The following MDGA2 variants were observed in gnomAD, a reference collection of about 807,000 sequenced individuals.
MDGA2 encodes MAM domain-containing glycosylphosphatidylinositol anchor protein 2.
Under a neutral mutation model 117.8 loss-of-function variants are expected in MDGA2, and 40 were observed. The observed-to-expected ratio is 0.34, with a 90% confidence interval of 0.26 to 0.44. The LOEUF (loss-of-function observed/expected upper bound fraction) is 0.44. Among genes scored for constraint, MDGA2 ranks in the 20% least tolerant of loss-of-function variants. The pLI is 1.00. For synonymous variants in MDGA2, 452 were observed against 439.0 expected (o/e 1.03, Z -0.37); for missense variants, 1,123 against 1,250.6 (o/e 0.90, Z 1.54).
intron 11 of MDGA2, among the ~76,000 whole-genome samples, chr14:46,879,877 T>C (rs1882376772): frequency 6.6e-6 from 1 of 152,184 alleles, no homozygotes; most frequent in Admixed American, 6.6e-5. Flanking sequence ...TAATGAGTTG[T>C]TAATAGTTTT....
chr14:47,667,346 T>C (rs150008304), intron 1 of MDGA2, among the ~76,000 whole-genome samples: 1 of 152,282 alleles, frequency 6.6e-6, no homozygotes, highest in Non-Finnish European at 1.5e-5. Context: ...AAAGACGGAA[T>C]GCTCCAATGA....
At chr14:47,537,783 C>T (rs537310843) in intron 1 of MDGA2, among the ~76,000 whole-genome samples, 102 of 152,074 alleles carry the variant, frequency 6.7e-4, no homozygotes, top group Non-Finnish European at 1.4e-3. Context: ...ACTTCAGCTA[C>T]CACATTAATT....
intron 1 of MDGA2, among the ~76,000 whole-genome samples, chr14:47,475,506 A>G (rs369449729): frequency 2.0e-5 from 3 of 152,200 alleles, no homozygotes; most frequent in South Asian, 4.1e-4. Flanking sequence ...AAATCATTCT[A>G]TTATAAGGAT....
chr14:47,137,089 T>A (rs1331341276), intron 4 of MDGA2, among the ~76,000 whole-genome samples: 1 of 152,200 alleles, frequency 6.6e-6, no homozygotes. Flanking sequence ...ACCTGAATTT[T>A]TTTGGTCATG....
At chr14:47,658,814 T>A (rs747177960) in intron 1 of MDGA2, among the ~76,000 whole-genome samples, 3 of 152,158 alleles carry the variant, frequency 2.0e-5, no homozygotes, top group Non-Finnish European at 4.4e-5. Flanking sequence ...CAAGGACTGG[T>A]AGAAAAGAGA....
chr14:47,521,564 G>A (rs1894867200), intron 1 of MDGA2, among the ~76,000 whole-genome samples: 1 of 152,194 alleles, frequency 6.6e-6, no homozygotes, highest in Non-Finnish European at 1.5e-5. Context: ...GTAATGGTAG[G>A]AGCTCAATAT....
In MDGA2 at chr14:47,651,144, T is replaced by G. The variant is rs548593121; in HGVS notation, c.280+23373A>C. On this transcript the variant is annotated intron_variant, in intron 1 of 16. Transcript: ENST00000399232. ...AAAGTCTGTTTCATTATATGTCATTTTGCTTAAAGTCACAGTTTTCAAGAA... is the reference window on the plus strand; with the variant it reads ...AAAGTCTGTTTCATTATATGTCATTGTGCTTAAAGTCACAGTTTTCAAGAA... Among the ~76,000 whole-genome samples the G allele has an allele frequency of 8.5e-5, 13 of 152,254 alleles. No homozygotes were observed. In the Middle Eastern group the frequency reaches 0.01, roughly 120 times the overall value.
chr14:47,437,338 G>T (rs1226333499), intron 1 of MDGA2, among the ~76,000 whole-genome samples: 1 of 152,092 alleles, frequency 6.6e-6, no homozygotes, highest in Non-Finnish European at 1.5e-5. Context: ...AATTAAATGT[G>T]ATAATGCACC....
At chr14:47,568,080 T>C (rs1397533378) in intron 1 of MDGA2, among the ~76,000 whole-genome samples, 4 of 152,128 alleles carry the variant, frequency 2.6e-5, no homozygotes, top group Admixed American at 2.6e-4. Context: ...CCTAATAATA[T>C]GGATTATGTT....
At chr14:47,419,950 G>A (rs764869355) in intron 1 of MDGA2, among the ~76,000 whole-genome samples, 11 of 151,946 alleles carry the variant, frequency 7.2e-5, no homozygotes, top group Non-Finnish European at 1.5e-4. Flanking sequence ...AAATTAAAAG[G>A]TAACAAGATA....
chr14:46,906,735 T>G (rs1286946511), intron 10 of MDGA2, among the ~76,000 whole-genome samples: 1 of 152,066 alleles, frequency 6.6e-6, no homozygotes, highest in Non-Finnish European at 1.5e-5. Flanking sequence ...CACTGTAATA[T>G]TCCCACAGTC....
At chr14:47,104,688 C>T (rs1295510253) in intron 5 of MDGA2, among the ~76,000 whole-genome samples, 4 of 152,144 alleles carry the variant, frequency 2.6e-5, no homozygotes, top group African/African-American at 4.8e-5. Context: ...AATTTGGTGC[C>T]GTGACTCAGA....
intron 1 of MDGA2, among the ~76,000 whole-genome samples, chr14:47,303,558 G>T (rs1005056589): frequency 2.0e-5 from 3 of 152,172 alleles, no homozygotes. Flanking sequence ...CTTCAATTTA[G>T]ATAAGTAATA....
At chr14:47,054,717 A>G (rs1261614979) in intron 7 of MDGA2, among the ~76,000 whole-genome samples, 1 of 151,692 alleles carries the variant, frequency 6.6e-6, no homozygotes, top group African/African-American at 2.4e-5. Flanking sequence ...CAACTATCTG[A>G]TCTTTGACAA....
At chr14:47,441,598 G>A (rs1378104527) in intron 1 of MDGA2, among the ~76,000 whole-genome samples, 1 of 152,070 alleles carries the variant, frequency 6.6e-6, no homozygotes, top group Admixed American at 6.6e-5. Flanking sequence ...ATAAGTACAA[G>A]GTTATATTAT....
intron 8 of MDGA2, among the ~76,000 whole-genome samples, chr14:47,000,184 A>T (rs2138479184): frequency 6.6e-6 from 1 of 150,804 alleles, no homozygotes; most frequent in East Asian, 1.9e-4. Flanking sequence ...TTTAATTCTC[A>T]CAACACTGTG....
intron 8 of MDGA2, among the ~76,000 whole-genome samples, chr14:47,000,158 C>G (rs1887451064): frequency 6.6e-6 from 1 of 150,700 alleles, no homozygotes; most frequent in Admixed American, 6.7e-5. Context: ...CTGATACTTA[C>G]TATATGCCAG....
At chr14:47,637,245 G>A (rs1193765843) in intron 1 of MDGA2, among the ~76,000 whole-genome samples, 2 of 152,096 alleles carry the variant, frequency 1.3e-5, no homozygotes, top group African/African-American at 2.4e-5. Flanking sequence ...GTACAAACAG[G>A]ATACAAATCC....
chr14:47,215,581 A>C (rs576209374), intron 3 of MDGA2, among the ~76,000 whole-genome samples: 12 of 152,230 alleles, frequency 7.9e-5, no homozygotes, highest in African/African-American at 2.4e-4. Flanking sequence ...ATGTTTGAAA[A>C]TTTACTATCT....
Sources: gnomAD v4.1 joint callset for allele counts (sites outside exome capture counted in the v4.1 genomes callset) on GRCh38, gnomAD v4.1.1 for gene constraint, MANE v1.5 for transcripts, NCBI Gene and HGNC (gene_info 2026-07-23, HGNC 2026-07-21) for gene names.